Variants in PCDH15 observed in about 807,000 individuals in gnomAD.
The protein encoded by PCDH15 is protocadherin-15.
PCDH15 carries 129 observed loss-of-function variants against 178.5 expected under a neutral mutation model. That is an observed-to-expected ratio of 0.72 (90% CI 0.63 to 0.84). PCDH15 has a LOEUF of 0.84. PCDH15 is among the 40% of genes least tolerant of loss of function. PCDH15 has a pLI of 0.00. For synonymous variants in PCDH15, 800 were observed against 732.0 expected (o/e 1.09, Z -1.50); for missense variants, 2,230 against 2,099.9 (o/e 1.06, Z -1.21).
chr10:55,481,152 T>C (rs1366090532), intron 2 of PCDH15, among the ~76,000 whole-genome samples: 4 of 151,704 alleles, frequency 2.6e-5, no homozygotes, highest in African/African-American at 9.7e-5. Flanking sequence ...CTCTGATGGT[T>C]GTTTGTATTT....
At chr10:54,162,737 G>T (rs2045838110) in intron 13 of PCDH15, among the ~76,000 whole-genome samples, 1 of 152,142 alleles carries the variant, frequency 6.6e-6, no homozygotes, top group Admixed American at 6.6e-5. Context: ...AGATAGGATT[G>T]TATCACTTGG....
chr10:54,306,800 G>T (rs909856438), intron 8 of PCDH15, among the ~76,000 whole-genome samples: 4 of 150,746 alleles, frequency 2.7e-5, no homozygotes, highest in African/African-American at 9.7e-5. Context: ...AAAAGACAAA[G>T]AATTACATCC....
At chr10:54,253,062 G>A (rs2056621029) in intron 8 of PCDH15, among the ~76,000 whole-genome samples, 2 of 151,822 alleles carry the variant, frequency 1.3e-5, no homozygotes, top group Admixed American at 6.6e-5. Context: ...CTGGGAGATA[G>A]GAAAATCCAA....
At chr10:54,953,691 G>C (rs1838403854) in intron 2 of PCDH15, among the ~76,000 whole-genome samples, 2 of 151,230 alleles carry the variant, frequency 1.3e-5, no homozygotes, top group South Asian at 4.2e-4. Context: ...GAAACTTTTA[G>C]TCAGATTATC....
chr10:54,036,298 C>T (rs142830191), intron 18 of PCDH15, among the ~76,000 whole-genome samples: 143 of 151,980 alleles, frequency 9.4e-4, no homozygotes, highest in African/African-American at 3.1e-3. Flanking sequence ...CTAGAACTTC[C>T]GTAACTTAAA....
At chr10:55,347,291 T>G (rs1844788994) in intron 2 of PCDH15, among the ~76,000 whole-genome samples, 1 of 152,090 alleles carries the variant, frequency 6.6e-6, no homozygotes, top group Admixed American at 6.6e-5. Flanking sequence ...GGCAGTTTAC[T>G]TAAATGCAAA....
intron 1 of PCDH15, among the ~76,000 whole-genome samples, chr10:54,743,169 G>T (rs1459895307): frequency 1.3e-5 from 2 of 151,966 alleles, no homozygotes; most frequent in Non-Finnish European, 2.9e-5. Flanking sequence ...TTTTCCAGAA[G>T]ATAAATGTTC....
In PCDH15 at chr10:54,873,961, T is replaced by C. The variant is rs189642660; in HGVS notation, c.-29+23489A>G. ...TTTCAGTTTTCTTTTTTTTCTTTTATTTATTTATTTATTTATTATTATTAT... is the reference window on the plus strand; with the variant it reads ...TTTCAGTTTTCTTTTTTTTCTTTTACTTATTTATTTATTTATTATTATTAT... On this transcript the variant is annotated intron_variant, in intron 3 of 5. Transcript: ENST00000458638. Among the ~76,000 whole-genome samples, 834 of 150,120 alleles carry C rather than the reference T, an allele frequency of 5.6e-3. 12 individuals are homozygous for C. The highest frequency in any genetic ancestry group is 0.019 in the African/African-American group (800 of 41,192).
intron 2 of PCDH15, among the ~76,000 whole-genome samples, chr10:54,908,541 A>G (rs1954764838): frequency 6.6e-6 from 1 of 152,190 alleles, no homozygotes; most frequent in South Asian, 2.1e-4. Flanking sequence ...ATGGCAGGCA[A>G]CAGGCAAGTT....
In PCDH15 at chr10:53,941,219, T is replaced by G. The variant is rs2384341; in HGVS notation, c.3123-244A>C. 0.68 allele frequency among the ~76,000 whole-genome samples: 103,363 copies of G among 151,462 alleles called. 35,631 individuals carry two copies. The highest frequency in any genetic ancestry group is 0.87 in the East Asian group (4,462 of 5,132). On this transcript the variant is annotated intron_variant, in intron 23 of 37. Transcript: ENST00000644397. ...TACATGAGGGTGCATATTGTTGTTGTACATTTTATGAGTTTGGACAAATGT... is the reference window on the plus strand; with the variant it reads ...TACATGAGGGTGCATATTGTTGTTGGACATTTTATGAGTTTGGACAAATGT...
intron 4 of PCDH15, among the ~76,000 whole-genome samples, chr10:54,373,321 C>A (rs1947956210): frequency 6.6e-6 from 1 of 151,686 alleles, no homozygotes; most frequent in African/African-American, 2.4e-5. Flanking sequence ...GACTTACCAC[C>A]TTTATAACAT....
At chr10:54,281,989 C>T (rs1002278018) in intron 8 of PCDH15, among the ~76,000 whole-genome samples, 3 of 152,058 alleles carry the variant, frequency 2.0e-5, no homozygotes, top group African/African-American at 7.2e-5. Context: ...AAGCAAATTT[C>T]TTAAATAATT....
At chr10:54,334,428 G>T (rs1371440183) in intron 6 of PCDH15, among the ~76,000 whole-genome samples, 3 of 152,078 alleles carry the variant, frequency 2.0e-5, no homozygotes, top group Non-Finnish European at 2.9e-5. Context: ...ACTAATATGG[G>T]TTTGCACCAG....
At chr10:54,201,840 C>T (rs1048897230) in intron 10 of PCDH15, among the ~76,000 whole-genome samples, 3 of 152,130 alleles carry the variant, frequency 2.0e-5, no homozygotes, top group South Asian at 2.1e-4. Context: ...TTTATTCACA[C>T]ATTTTAAAGG....
chr10:55,464,321 C>T (rs1839782441), intron 2 of PCDH15, among the ~76,000 whole-genome samples: 2 of 151,572 alleles, frequency 1.3e-5, no homozygotes, highest in Admixed American at 6.6e-5. Flanking sequence ...CATTTTTTTT[C>T]CTCCAAGAAG....
intron 13 of PCDH15, among the ~76,000 whole-genome samples, chr10:54,177,959 C>A (rs1417615572): frequency 6.6e-6 from 1 of 152,000 alleles, no homozygotes; most frequent in East Asian, 1.9e-4. Context: ...CATTACAGGG[C>A]ATTTAACTTT....
intron 1 of PCDH15, among the ~76,000 whole-genome samples, chr10:54,681,671 T>C (rs961723294): frequency 1.6e-4 from 24 of 151,896 alleles, no homozygotes; most frequent in African/African-American, 5.3e-4. Flanking sequence ...TTCAAGAAAA[T>C]AGAGTTCATA....
chr10:55,453,391 A>G (rs1006248666), intron 2 of PCDH15, among the ~76,000 whole-genome samples: 1 of 152,188 alleles, frequency 6.6e-6, no homozygotes, highest in African/African-American at 2.4e-5. Context: ...TGTAATAGAA[A>G]TATGACAGAA....
intron 7 of PCDH15, among the ~76,000 whole-genome samples, chr10:54,325,257 T>C (rs182633370): frequency 6.6e-6 from 1 of 152,234 alleles, no homozygotes; most frequent in East Asian, 1.9e-4. Context: ...GAAAATCAAA[T>C]ATTTTTAACA....
Sources: allele counts gnomAD v4.1 joint callset (sites outside exome capture counted in the v4.1 genomes callset), GRCh38; gene constraint gnomAD v4.1.1; transcripts MANE v1.5; gene names NCBI Gene and HGNC (gene_info 2026-07-23, HGNC 2026-07-21).